SLC9B2: variants seen among roughly 807,000 people sequenced by gnomAD.
SLC9B2 encodes solute carrier family 9 member B2, also known as sodium/hydrogen exchanger 9B2.
A neutral mutation model predicts 52.2 loss-of-function variants in SLC9B2; 39 were observed. The ratio of observed to expected loss-of-function variants is 0.75; its 90% CI spans 0.58 to 0.98. The LOEUF is 0.98. SLC9B2 is among the 50% of genes least tolerant of loss of function. The probability of loss-of-function intolerance (pLI) is 0.00; values close to 1 mark genes in which losing one functional copy is unlikely to be tolerated. For missense variants in SLC9B2, 626 were observed against 637.5 expected, an observed-to-expected ratio of 0.98 and a Z score of 0.19; for synonymous variants, 214 against 227.0, an observed-to-expected ratio of 0.94 and a Z score of 0.51.
At chr4:103,053,728 G>A (rs1422793007) in intron 4 of SLC9B2, among the ~76,000 whole-genome samples, 2 of 150,980 alleles carry the variant, frequency 1.3e-5, no homozygotes, top group Admixed American at 6.6e-5. Flanking sequence ...TTTTGAGACC[G>A]AGTCTCGCTC....
chr4:103,041,055 TAGA>T (rs1173386161), intron 9 of SLC9B2, among the ~76,000 whole-genome samples: 8 of 152,200 alleles, frequency 5.3e-5, no homozygotes, highest in African/African-American at 1.9e-4. Flanking sequence ...GATAGAACTC[TAGA>T]AAGCAGTCTG....
At position 103,026,425 on chromosome 4, in the gene SLC9B2, A is replaced by T. The variant is rs748380969; in HGVS notation, c.1559T>A (p.Val520Asp). Residue 520 changes from valine to aspartate, a missense_variant, in exon 12 of 12, where the codon GTT becomes GAT. By Grantham distance (152) the Val-to-Asp change is radical. Transcript: ENST00000394785. ...GLLGPRLLQKVEHQNKDEEVQ... is the reference protein window; with the variant it reads ...GLLGPRLLQKDEHQNKDEEVQ... ...TTCTTCATCTTTATTTTGATGTTCA[A>T]CTTTCTGCAGAAGCCTGGGGCCCAG... 6.2e-7 allele frequency: 1 copy of T among 1,613,814 alleles called. No homozygotes were observed. Among genetic ancestry groups the T allele is most frequent in the Non-Finnish European group, 8.5e-7 (1 of 1,179,858 alleles).
intron 2 of SLC9B2, among the ~76,000 whole-genome samples, chr4:103,066,756 T>TGCTACAAAATCTGAAAC (rs1553918023): frequency 6.6e-6 from 1 of 152,136 alleles, no homozygotes; most frequent in Non-Finnish European, 1.5e-5. Context: ...AAATCTGAAA[T>TGCTACAAAATCTGAAAC]GCTCCAAAAT....
intron 6 of SLC9B2, 99 bp from the exon 7 acceptor site, chr4:103,047,325 C>A (rs1253557764): frequency 3.2e-6 from 3 of 941,234 alleles, no homozygotes; most frequent in Non-Finnish European, 4.4e-6. Flanking sequence ...ACTTGGACAA[C>A]AACAGTCTTT....
intron 10 of SLC9B2, among the ~76,000 whole-genome samples, chr4:103,029,372 A>G (rs1371041208): frequency 6.6e-6 from 1 of 152,148 alleles, no homozygotes; most frequent in Non-Finnish European, 1.5e-5. Context: ...TAAAAGAGGG[A>G]AAAACAATAT....
intron 4 of SLC9B2, among the ~76,000 whole-genome samples, chr4:103,055,904 C>T (rs1397827886): frequency 6.8e-6 from 1 of 148,114 alleles, no homozygotes; most frequent in Non-Finnish European, 1.5e-5. Flanking sequence ...CCCGGGTTCA[C>T]GCCATTCTCC....
chr4:103,054,485 A>G (rs1640339866), intron 4 of SLC9B2, among the ~76,000 whole-genome samples: 1 of 152,206 alleles, frequency 6.6e-6, no homozygotes, highest in African/African-American at 2.4e-5. Context: ...ATTTTGATGC[A>G]AGGGTCAGCA....
intron 3 of SLC9B2, among the ~76,000 whole-genome samples, chr4:103,059,075 T>A (rs1317712335): frequency 1.3e-5 from 2 of 151,908 alleles, no homozygotes; most frequent in African/African-American, 4.8e-5. Context: ...AAAAAAAAAG[T>A]GAAATGTTTC....
Position 103,023,131 on chromosome 4 carries a change from T to C in SLC9B2, c.*3239A>G, listed in dbSNP as rs746433371. 1.3e-5 allele frequency among the ~76,000 whole-genome samples: 2 copies of C among 152,178 alleles called. No individual in the cohort carries two copies. The highest frequency in any genetic ancestry group is 2.4e-5 in the African/African-American group (1 of 41,444). On this transcript the variant is annotated 3_prime_UTR_variant, in exon 12 of 12. Transcript: ENST00000394785. ...AAGTGGACTAAGATCCGAACTGTCG[T>C]GTGGCAAGTAGTTTTCTGATATTGA... is the stretch of plus-strand genomic sequence containing the variant.
At chr4:103,039,889 G>A (rs766636564) in intron 9 of SLC9B2, among the ~76,000 whole-genome samples, 6 of 151,672 alleles carry the variant, frequency 4.0e-5, no homozygotes, top group African/African-American at 7.3e-5. Flanking sequence ...CTCATGATCC[G>A]CCCACTTCGT....
intron 3 of SLC9B2, chr4:103,065,903 C>T (rs1746083153): frequency 6.5e-6 from 1 of 154,160 alleles, no homozygotes; most frequent in African/African-American, 2.4e-5. Context: ...AATATTCTTA[C>T]TTATAAAGTA....
At chr4:103,050,566 T>A (rs1359866287) in intron 4 of SLC9B2, among the ~76,000 whole-genome samples, 184 bp from the exon 5 acceptor site, 2 of 152,164 alleles carry the variant, frequency 1.3e-5, no homozygotes, top group East Asian at 3.8e-4. Context: ...AATGTACAGA[T>A]AAAAAGATAG....
chr4:103,066,221 T>C, intron 3 of SLC9B2, 106 bp downstream of exon 3: 2 of 1,323,580 alleles, frequency 1.5e-6, no homozygotes, highest in Non-Finnish European at 1.0e-6. Context: ...CTAGTTTTTA[T>C]GTTTGGGAGA....
chr4:103,024,781 C>G lies in SLC9B2; in HGVS notation c.*1589G>C, dbSNP rs866708225. Among the ~76,000 whole-genome samples, 2 of 152,156 alleles carry G rather than the reference C, an allele frequency of 1.3e-5. No individual in the cohort carries two copies. The highest frequency in any genetic ancestry group is 3.2e-3 in the Middle Eastern group (1 of 316). On this transcript the variant is annotated 3_prime_UTR_variant, in exon 12 of 12. Transcript: ENST00000394785. ...GAATGTGATTATTTCAGTAACTACA[C>G]AGAAGATGACCTAGAGTGAAGAGGA...
At chr4:103,057,705 A>G in intron 4 of SLC9B2, 96 bp downstream of exon 4, 1 of 1,362,896 alleles carries the variant, frequency 7.3e-7, no homozygotes, top group Non-Finnish European at 1.0e-6. Flanking sequence ...TGGCAAATAC[A>G]GAAATATTTT....
Position 103,047,146 on chromosome 4 carries a change from T to C in SLC9B2, c.794A>G (p.Lys265Arg). ...LLQGGGYGVE[K>R]GVPTLLMAAG... ...TGCCATGAGCAAGGTTGGGACACCC[T>C]TCTCAACACCATAGCCTCCTCCCTG... Residue 265 changes from lysine to arginine, a missense_variant, in exon 7 of 12, where the codon AAG becomes AGG. Physicochemically the swap from Lys to Arg is conservative, Grantham distance 26 (BLOSUM62 2). Coordinates refer to ENST00000394785, the MANE Select transcript of SLC9B2 (RefSeq NM_178833.7). 6.2e-7 allele frequency: 1 copy of C among 1,613,976 alleles called. No homozygotes were observed. The highest frequency in any genetic ancestry group is 8.5e-7 in the Non-Finnish European group (1 of 1,179,948).
At chr4:103,048,761 A>G (rs1294771682) in intron 6 of SLC9B2, 132 bp downstream of exon 6, 5 of 1,120,768 alleles carry the variant, frequency 4.5e-6, no homozygotes, top group African/African-American at 1.6e-5. Flanking sequence ...GAATATTTAA[A>G]TTATGCTGTA....
At chr4:103,020,501 CTG>C, downstream of SLC9B2, 1 of 320,930 alleles carries the variant, frequency 3.1e-6, no homozygotes, top group Admixed American at 4.4e-5. Flanking sequence ...CTCTTGAACA[CTG>C]TATTCCTTTT....
chr4:103,019,181 C>A (rs1402813644), downstream of SLC9B2, among the ~76,000 whole-genome samples: 1 of 152,038 alleles, frequency 6.6e-6, no homozygotes, highest in Non-Finnish European at 1.5e-5. Flanking sequence ...AGAGAGCTTT[C>A]TCAGGATCGG....
Sources: gnomAD v4.1 joint callset for allele counts (sites outside exome capture counted in the v4.1 genomes callset) on GRCh38, gnomAD v4.1.1 for gene constraint, MANE v1.5 for transcripts, NCBI Gene and HGNC (gene_info 2026-07-23, HGNC 2026-07-21) for gene names.